The following RBFOX1 variants were observed in gnomAD, a reference collection of about 807,000 sequenced individuals.
RBFOX1 encodes the protein RNA binding fox-1 homolog 1, also known as RNA binding protein fox-1 homolog 1.
In RBFOX1, 8 loss-of-function variants were observed where a neutral mutation model predicts 57.7. The observed-to-expected ratio is 0.14, with a 90% CI of 0.08 to 0.25. The LOEUF is 0.25. Ranked by LOEUF, RBFOX1 falls within the 10% of genes least tolerant of loss-of-function variation. RBFOX1 has a pLI of 1.00. For missense variants in RBFOX1, 611 were observed against 548.5 expected, an observed-to-expected ratio of 1.11 and a Z score of -1.14; for synonymous variants, 326 against 222.4, an observed-to-expected ratio of 1.47 and a Z score of -4.15.
At chr16:6,661,152 G>A (rs922673318) in intron 3 of RBFOX1, among the ~76,000 whole-genome samples, 1 of 152,176 alleles carries the variant, frequency 6.6e-6, no homozygotes, top group African/African-American at 2.4e-5. Flanking sequence ...GAATTTTCCT[G>A]TAATACCACT....
chr16:6,220,048 G>T (rs984052120), intron 1 of RBFOX1, among the ~76,000 whole-genome samples: 1 of 151,718 alleles, frequency 6.6e-6, no homozygotes, highest in Non-Finnish European at 1.5e-5. Context: ...TCATCTGTCT[G>T]TTTCTATATG....
At chr16:5,489,133 C>T (rs2042742477) in intron 2 of RBFOX1, among the ~76,000 whole-genome samples, 1 of 152,212 alleles carries the variant, frequency 6.6e-6, no homozygotes, top group Admixed American at 6.5e-5. Context: ...GACACTAAGT[C>T]TCTGTGGGCA....
At chr16:5,394,206 T>A (rs2066487047) in intron 1 of RBFOX1, among the ~76,000 whole-genome samples, 1 of 152,088 alleles carries the variant, frequency 6.6e-6, no homozygotes, top group South Asian at 2.1e-4. Context: ...GTATTTTTAG[T>A]AGAGACAGGG....
intron 1 of RBFOX1, among the ~76,000 whole-genome samples, chr16:5,460,247 A>T (rs1235434796): frequency 6.6e-6 from 1 of 152,224 alleles, no homozygotes; most frequent in East Asian, 1.9e-4. Context: ...CAGCCCACTG[A>T]CTTTTGCAAC....
chr16:7,038,763 C>G (rs907524557), intron 3 of RBFOX1, among the ~76,000 whole-genome samples: 2 of 152,144 alleles, frequency 1.3e-5, no homozygotes, highest in African/African-American at 2.4e-5. Flanking sequence ...CAATGTTTGT[C>G]TGTCTGATTA....
At chr16:6,746,651 C>T (rs2073730366) in intron 3 of RBFOX1, among the ~76,000 whole-genome samples, 1 of 151,622 alleles carries the variant, frequency 6.6e-6, no homozygotes, top group Non-Finnish European at 1.5e-5. Context: ...GCACTTCAGC[C>T]TGAGTGACGA....
chr16:6,680,924 A>G (rs2058555963), intron 3 of RBFOX1, among the ~76,000 whole-genome samples: 1 of 152,254 alleles, frequency 6.6e-6, no homozygotes, highest in African/African-American at 2.4e-5. Context: ...TACAATATAA[A>G]TGCAAATTGA....
At chr16:6,264,223 T>C (rs535182576) in intron 1 of RBFOX1, among the ~76,000 whole-genome samples, 1 of 152,228 alleles carries the variant, frequency 6.6e-6, no homozygotes, top group African/African-American at 2.4e-5. Context: ...TGACTACCAA[T>C]TTTGCAGCTT....
chr16:7,194,277 T>G (rs1248817395), intron 4 of RBFOX1, among the ~76,000 whole-genome samples: 1 of 152,238 alleles, frequency 6.6e-6, no homozygotes, highest in Non-Finnish European at 1.5e-5. Flanking sequence ...CTGTATTTAT[T>G]TTATGGCTAC....
At chr16:7,328,513 A>T (rs2096643250) in intron 4 of RBFOX1, 1 of 148,658 alleles carries the variant, frequency 6.7e-6, no homozygotes. Flanking sequence ...AGACCTGGGA[A>T]GGGAGATGCA....
intron 2 of RBFOX1, among the ~76,000 whole-genome samples, chr16:5,471,009 G>T (rs1032648527): frequency 3.9e-5 from 6 of 152,034 alleles, no homozygotes; most frequent in African/African-American, 1.5e-4. Flanking sequence ...CTGCCACCAC[G>T]CCTGGCTAAT....
chr16:6,363,937 A>T (rs2089100049), intron 2 of RBFOX1, among the ~76,000 whole-genome samples: 1 of 152,260 alleles, frequency 6.6e-6, no homozygotes, highest in South Asian at 2.1e-4. Context: ...CATATCGTAC[A>T]ATAAAAAGAA....
At chr16:6,274,200 G>A (rs1378927949) in intron 1 of RBFOX1, among the ~76,000 whole-genome samples, 3 of 152,136 alleles carry the variant, frequency 2.0e-5, no homozygotes, top group African/African-American at 7.2e-5. Flanking sequence ...GCCTTCCTGG[G>A]CATTTATTCC....
At chr16:6,915,919 A>C (rs2073049537) in intron 3 of RBFOX1, among the ~76,000 whole-genome samples, 1 of 152,166 alleles carries the variant, frequency 6.6e-6, no homozygotes, top group African/African-American at 2.4e-5. Flanking sequence ...CCGTATTTGC[A>C]AAGTGGTCCC....
intron 3 of RBFOX1, among the ~76,000 whole-genome samples, chr16:6,940,873 G>GTT (rs1281095818): frequency 4.7e-4 from 66 of 140,008 alleles, no homozygotes; most frequent in African/African-American, 1.7e-3. Flanking sequence ...GTGTGTGTGT[G>GTT]TGTGTGTGTG....
chr16:7,317,258 A>G (rs1361449035), intron 4 of RBFOX1, among the ~76,000 whole-genome samples: 1 of 152,168 alleles, frequency 6.6e-6, no homozygotes. Context: ...TTCAGCCAGA[A>G]GAGAAGAAAT....
intron 1 of RBFOX1, among the ~76,000 whole-genome samples, chr16:5,460,508 A>G (rs1193189058): frequency 1.3e-5 from 2 of 152,194 alleles, no homozygotes; most frequent in Non-Finnish European, 2.9e-5. Context: ...GCAGAGGCTC[A>G]GGGCCCAGGA....
chr16:6,363,320 C>T (rs2088955089), intron 2 of RBFOX1, among the ~76,000 whole-genome samples: 2 of 152,034 alleles, frequency 1.3e-5, no homozygotes, highest in Non-Finnish European at 2.9e-5. Context: ...ATGGCATAAA[C>T]GAAGGGCCGA....
At chr16:7,676,709 G>C (rs1287676888) in intron 13 of RBFOX1, 65 bp from the exon 14 acceptor site, 1 of 1,380,954 alleles carries the variant, frequency 7.2e-7, no homozygotes, top group Non-Finnish European at 1.0e-6. Flanking sequence ...GTGTGGTCTT[G>C]CCACTGGGCA....
Sources: allele counts gnomAD v4.1 joint callset (sites outside exome capture counted in the v4.1 genomes callset), GRCh38; gene constraint gnomAD v4.1.1; transcripts MANE v1.5; gene names NCBI Gene and HGNC (gene_info 2026-07-23, HGNC 2026-07-21).